The following SCN4A variants were observed in gnomAD, a reference collection of about 807,000 sequenced individuals.
SCN4A encodes sodium voltage-gated channel alpha subunit 4.
A neutral mutation model predicts 162.0 loss-of-function variants in SCN4A; 83 were observed. That is an observed-to-expected ratio of 0.51 (90% confidence interval 0.43 to 0.61). The LOEUF (loss-of-function observed/expected upper bound fraction) is 0.61, where lower values mean the gene tolerates loss of function less well. Ranked by LOEUF, SCN4A falls within the 20% of genes least tolerant of loss-of-function variation. SCN4A has a pLI of 0.00. For missense variants in SCN4A, 2,196 were observed against 2,462.5 expected (o/e 0.89, Z 2.29); for synonymous variants, 944 against 985.1 (o/e 0.96, Z 0.78).
chr17:63,951,721 C>A lies in SCN4A; in HGVS notation c.2556G>T (p.Lys852Asn). 6.3e-7 allele frequency: 1 copy of A among 1,594,188 alleles called. No individual in the cohort carries two copies. The highest frequency in any genetic ancestry group is 2.3e-5 in the East Asian group (1 of 43,904). Residue 852 changes from lysine (K) to asparagine (N), a missense_variant, in exon 14 of 24, where the codon AAG (lysine) becomes AAT (asparagine). By Grantham distance (94) the Lys-to-Asn change is moderately conservative (BLOSUM62 0). Coordinates refer to ENST00000435607, the MANE Select transcript of SCN4A (RefSeq NM_000334.4). The surrounding 1 kb of genome is among the most constrained non-coding windows in gnomAD (Gnocchi z 4.5). ...GLLHGKILSPKDIMLSLGEAD... is the reference protein window; with the variant it reads ...GLLHGKILSPNDIMLSLGEAD... Reference sequence around the variant, plus strand: ...CCTCCCCGAGGCTGAGCATGATGTCCTTGGGGCTCAGGATCTTGCCATGCA... The same window carrying A: ...CCTCCCCGAGGCTGAGCATGATGTCATTGGGGCTCAGGATCTTGCCATGCA...
Position 63,971,717 on chromosome 17 carries a change from C to T in SCN4A, c.611+5G>A. On this transcript the variant is annotated splice_donor_5th_base_variant and intron_variant, in intron 4 of 23. Coordinates refer to ENST00000435607, the MANE Select transcript of SCN4A (RefSeq NM_000334.4). ...GCCTCAGGATGTCCTGGGGCCCCTG[C>T]TCACGCCATCATGATGACACTGAAG... is the stretch of plus-strand genomic sequence containing the variant. 6.3e-7 allele frequency: 1 copy of T among 1,584,974 alleles called. No homozygotes were observed. The highest frequency in any genetic ancestry group is 8.6e-7 in the Non-Finnish European group (1 of 1,165,936).
intron 18 of SCN4A, among the ~76,000 whole-genome samples, 169 bp downstream of exon 18, chr17:63,946,876 G>C (rs1567818665): frequency 1.3e-5 from 2 of 151,956 alleles, no homozygotes; most frequent in African/African-American, 4.8e-5. Flanking sequence ...CTGCGGGGAG[G>C]ACAGCTAGGG....
chr17:63,970,133 AT>A (rs1477128475), intron 5 of SCN4A, among the ~76,000 whole-genome samples: 1 of 152,044 alleles, frequency 6.6e-6, no homozygotes, highest in African/African-American at 2.4e-5. Flanking sequence ...CTCTGACCTT[AT>A]TGCTCAGCAG....
At chr17:63,959,789 G>C (rs1909187026) in intron 11 of SCN4A, among the ~76,000 whole-genome samples, 1 of 152,162 alleles carries the variant, frequency 6.6e-6, no homozygotes, top group African/African-American at 2.4e-5. Context: ...CTGGTATCCT[G>C]ATCTCTACAA....
At chr17:63,969,034 G>A (rs1409916208) in intron 5 of SCN4A, among the ~76,000 whole-genome samples, 1 of 152,128 alleles carries the variant, frequency 6.6e-6, no homozygotes, top group Non-Finnish European at 1.5e-5. Flanking sequence ...GTAGGGATGA[G>A]GTTTCGCTAT....
In SCN4A at chr17:63,942,825, C is replaced by A; in HGVS notation, c.4288+1G>T. On this transcript the variant is annotated splice_donor_variant, in intron 23 of 23. Coordinates refer to ENST00000435607, the MANE Select transcript of SCN4A (RefSeq NM_000334.4). LOFTEE classifies it high-confidence loss of function. Reference sequence around the variant, plus strand: ...CTGCCGGTCCAGCCCGCCCCGCTCACCCACAATGGACAGGATGACGACCAC... The same window carrying A: ...CTGCCGGTCCAGCCCGCCCCGCTCAACCACAATGGACAGGATGACGACCAC... The A allele has an allele frequency of 6.2e-7, 1 of 1,612,942 alleles. No homozygotes were observed. The highest frequency in any genetic ancestry group is 1.1e-5 in the South Asian group (1 of 91,052).
intron 12 of SCN4A, 53 bp downstream of exon 12, chr17:63,959,212 A>T: frequency 6.6e-7 from 1 of 1,515,576 alleles, no homozygotes; most frequent in Non-Finnish European, 9.0e-7. Context: ...CACCCTCCTT[A>T]GTCTCCTCAC....
Position 63,968,246 on chromosome 17 carries a change from G to C in SCN4A, c.813C>G (p.Leu271=). The C allele has an allele frequency of 6.2e-7, 1 of 1,614,144 alleles. No homozygotes were observed. The highest frequency in any genetic ancestry group is 8.5e-7 in the Non-Finnish European group (1 of 1,179,996). Reference sequence around the variant, plus strand: ...ACTTCTGCCTCAGGTTTCCCATGAAGAGCTGCAGTCCTACCAGCGCAAAGA... The same window carrying C: ...ACTTCTGCCTCAGGTTTCCCATGAACAGCTGCAGTCCTACCAGCGCAAAGA... The part of the protein sequence containing the change: ...LSVFALVGLQ[L]FMGNLRQKCV... The change falls in exon 6 of 24, where the codon CTC becomes CTG. Residue 271 remains leucine, a synonymous_variant. Transcript: ENST00000435607.
intron 14 of SCN4A, 89 bp from the exon 15 acceptor site, chr17:63,949,617 G>C (rs1400914533): frequency 5.6e-6 from 8 of 1,427,250 alleles, no homozygotes; most frequent in Non-Finnish European, 7.5e-6. Flanking sequence ...GAGACCAGAA[G>C]GGAAGGGAAG....
At chr17:63,961,619 T>C in intron 10 of SCN4A, 188 bp from the exon 11 acceptor site, 1 of 358,960 alleles carries the variant, frequency 2.8e-6, no homozygotes, top group Non-Finnish European at 5.4e-6. Context: ...CCCTGTAACC[T>C]CCGCCCCACA....
chr17:63,952,707 T>C (rs906870577), intron 13 of SCN4A, among the ~76,000 whole-genome samples: 1 of 150,700 alleles, frequency 6.6e-6, no homozygotes, highest in Non-Finnish European at 1.5e-5. Flanking sequence ...TCTATTCTGG[T>C]TCTTGTCCCA....
At chr17:63,949,587 T>A in intron 14 of SCN4A, 59 bp from the exon 15 acceptor site, 1 of 1,530,106 alleles carries the variant, frequency 6.5e-7, no homozygotes, top group Non-Finnish European at 8.8e-7. Flanking sequence ...CTCATCCTCC[T>A]ACCAGATGGG....
Position 63,941,209 on chromosome 17 carries a change from A to G in SCN4A, c.5073T>C (p.Ser1691=), listed in dbSNP as rs1339593501. 6.2e-7 allele frequency: 1 copy of G among 1,613,684 alleles called. No individual in the cohort carries two copies. Among genetic ancestry groups the G allele is most frequent in the Non-Finnish European group, 8.5e-7 (1 of 1,179,834 alleles). ...FALTKEVLGD[S]GEMDALKQTM... ...TCTGCTTGAGGGCGTCCATTTCCCCAGAGTCACCCAGGACCTCTTTGGTCA... is the reference window on the plus strand; with the variant it reads ...TCTGCTTGAGGGCGTCCATTTCCCCGGAGTCACCCAGGACCTCTTTGGTCA... The change falls in exon 24 of 24, where the codon TCT becomes TCC. Residue 1691 remains serine, a synonymous_variant. Coordinates refer to ENST00000435607, the MANE Select transcript of SCN4A (RefSeq NM_000334.4). This position sits in a 1 kb window ranked among gnomAD's most constrained non-coding sequence, Gnocchi z 6.2.
Position 63,940,805 on chromosome 17 carries a change from G to A in SCN4A, c.5477C>T (p.Thr1826Ile), listed in dbSNP as rs1005067178. 10 of 1,595,492 alleles carry A rather than the reference G, an allele frequency of 6.3e-6. No individual in the cohort carries two copies. In the African/African-American group the frequency reaches 1.1e-4, roughly 17 times the overall value. Residue 1826 changes from threonine to isoleucine, a missense_variant, in exon 24 of 24, where the codon ACT (threonine) becomes ATT (isoleucine). Physicochemically the swap from Thr to Ile is moderately conservative, Grantham distance 89 (BLOSUM62 -1). Transcript: ENST00000435607. ...AWPPAPPPGQ[T>I]VRPGVKESLV ...AGACTCCTTGACACCTGGGCGCACA[G>A]TCTGCCCTGGGGGAGGGGCGGGAGG...
rs757322725 is a variant in SCN4A at position 63,949,479 on chromosome 17, G to A, written c.2903C>T (p.Ala968Val). The A allele has an allele frequency of 5.6e-6, 9 of 1,612,652 alleles. No homozygotes were observed. In the South Asian group the frequency reaches 8.8e-5, roughly 16 times the overall value. ...GTCCTCCTCGGGGGGCTTGTAGTCA[G>A]CTGTGCTGCAGACGGACGAGTTCCC... The part of the protein sequence containing the change: ...YDGNSSVCST[A>V]DYKPPEEDPE... The change falls in exon 15 of 24, where the codon GCT (alanine) becomes GTT (valine). Residue 968 changes from alanine to valine, a missense_variant. Transcript: ENST00000435607.
At chr17:63,965,690 T>G (rs1482809270) in intron 8 of SCN4A, among the ~76,000 whole-genome samples, 1 of 152,232 alleles carries the variant, frequency 6.6e-6, no homozygotes, top group Non-Finnish European at 1.5e-5. Flanking sequence ...GGTTTCACTA[T>G]GTTGGCCAGG....
At chr17:63,948,567 G>A in intron 16 of SCN4A, 44 bp downstream of exon 16, 1 of 1,579,450 alleles carries the variant, frequency 6.3e-7, no homozygotes, top group South Asian at 1.1e-5. Context: ...ACCTGCTGTG[G>A]GCCTGGCCCC....
rs1555604989 is a variant in SCN4A at position 63,972,146 on chromosome 17, T to C, written c.472A>G (p.Lys158Glu). ...MTMSDPPPWS[K>E]NVEYTFTGIY... is the part of the protein sequence containing the mutation. Reference sequence around the variant, plus strand: ...AGCAGGGAGACTTACTCCACATTCTTGGACCAGGGAGGCGGGTCACTCATG... The same window carrying C: ...AGCAGGGAGACTTACTCCACATTCTCGGACCAGGGAGGCGGGTCACTCATG... The change falls in exon 3 of 24, where the codon AAG becomes GAG. Residue 158 changes from lysine (K) to glutamate (E), a missense_variant. Lys to Glu is a moderately conservative substitution (Grantham distance 56). Transcript: ENST00000435607. This position sits in a 1 kb window ranked among gnomAD's most constrained non-coding sequence, Gnocchi z 4.3. 6.2e-7 allele frequency: 1 copy of C among 1,612,488 alleles called. No individual in the cohort carries two copies. Among genetic ancestry groups the C allele is most frequent in the Non-Finnish European group, 8.5e-7 (1 of 1,179,024 alleles).
At position 63,957,182 on chromosome 17, in the gene SCN4A, T is replaced by C. The variant is rs778729831; in HGVS notation, c.2356A>G (p.Met786Val). The stretch of plus-strand genomic sequence containing the variant: ...CTCACCACAAGATTGCCGATGACCA[T>C]GACCATGAGGAAGACGGTGAGGCAC... ...AMCLTVFLMVMVIGNLVVLNL... is the reference protein window; with the variant it reads ...AMCLTVFLMVVVIGNLVVLNL... The change falls in exon 13 of 24, where the codon ATG becomes GTG. Residue 786 changes from methionine to valine, a missense_variant. Coordinates refer to ENST00000435607, the MANE Select transcript of SCN4A (RefSeq NM_000334.4). 8 of 1,579,972 alleles carry C rather than the reference T, an allele frequency of 5.1e-6. No individual in the cohort carries two copies. In the Admixed American group the frequency reaches 1.0e-4, roughly 20 times the overall value.
Sources: gnomAD v4.1 joint callset for allele counts (sites outside exome capture counted in the v4.1 genomes callset) on GRCh38, gnomAD v4.1.1 for gene constraint, Gnocchi (gnomAD v3.1) non-coding constraint, MANE v1.5 for transcripts, NCBI Gene and HGNC (gene_info 2026-07-23, HGNC 2026-07-21) for gene names.